ARID2: variants seen among roughly 807,000 people sequenced by gnomAD.
The protein encoded by ARID2 is AT-rich interactive domain-containing protein 2.
A neutral mutation model predicts 184.6 loss-of-function variants in ARID2; 32 were observed. That is an observed-to-expected ratio of 0.17 (90% CI 0.13 to 0.23). ARID2 has a LOEUF of 0.23. ARID2 is among the 10% of genes least tolerant of loss of function. The pLI, the probability that ARID2 is intolerant of heterozygous loss-of-function variation, is 1.00. For missense variants in ARID2, 1,696 were observed against 2,197.6 expected, an observed-to-expected ratio of 0.77 and a Z score of 4.56; for synonymous variants, 836 against 772.6, an observed-to-expected ratio of 1.08 and a Z score of -1.36.
intron 3 of ARID2, chr12:45,776,009 T>G (rs1941971354): frequency 6.0e-6 from 1 of 166,690 alleles, no homozygotes; most frequent in Non-Finnish European, 1.5e-5. Flanking sequence ...GGCAAGAGAG[T>G]ATTTGCTTAC....
At chr12:45,746,334 CT>C (rs1483466045) in intron 3 of ARID2, among the ~76,000 whole-genome samples, 1 of 152,076 alleles carries the variant, frequency 6.6e-6, no homozygotes, top group Middle Eastern at 3.2e-3. Context: ...TGGTTTCCAA[CT>C]CCTGGCCTCA....
At chr12:45,768,728 T>C (rs988534665) in intron 3 of ARID2, among the ~76,000 whole-genome samples, 2 of 152,108 alleles carry the variant, frequency 1.3e-5, no homozygotes, top group African/African-American at 4.8e-5. Context: ...AGGAGTCTTT[T>C]TGGGGTCAGA....
intron 16 of ARID2, among the ~76,000 whole-genome samples, chr12:45,867,465 G>A (rs981427751): frequency 5.9e-5 from 9 of 151,674 alleles, no homozygotes; most frequent in African/African-American, 1.7e-4. Context: ...TGTGCTGGCC[G>A]GGCGCAGTGG....
At chr12:45,787,322 A>G (rs1405679289) in intron 3 of ARID2, among the ~76,000 whole-genome samples, 3 of 151,122 alleles carry the variant, frequency 2.0e-5, no homozygotes, top group Non-Finnish European at 1.5e-5. Flanking sequence ...GGCTCAAGTG[A>G]TCCTCCTGCC....
chr12:45,830,193 CT>C (rs1228473382), intron 6 of ARID2, among the ~76,000 whole-genome samples: 1 of 151,612 alleles, frequency 6.6e-6, no homozygotes, highest in African/African-American at 2.4e-5. Flanking sequence ...GGAATATTCC[CT>C]TCTGTTTTAT....
chr12:45,777,892 T>G (rs1238647195), intron 3 of ARID2, among the ~76,000 whole-genome samples: 1 of 151,192 alleles, frequency 6.6e-6, no homozygotes, highest in Non-Finnish European at 1.5e-5. Context: ...CTGGACTATT[T>G]AGTAATTTTA....
chr12:45,798,098 T>C (rs1942424835), intron 3 of ARID2, among the ~76,000 whole-genome samples: 1 of 152,152 alleles, frequency 6.6e-6, no homozygotes, highest in Admixed American at 6.5e-5. Context: ...TCTGTACCCT[T>C]TTTTACTATG....
intron 3 of ARID2, among the ~76,000 whole-genome samples, chr12:45,806,539 C>T (rs1449723665): frequency 1.3e-5 from 2 of 152,086 alleles, no homozygotes; most frequent in African/African-American, 2.4e-5. Context: ...TTTTTGTCCA[C>T]CACTTATTTC....
At position 45,891,929 on chromosome 12, in the gene ARID2, TA is replaced by T; in HGVS notation, c.5061+14del. ...ATTACCCACTTGCAGGTACACTTTT[TA>T]AATACTATTTGATCAGTAACTCATT... is the stretch of plus-strand genomic sequence containing the variant. On this transcript the variant is annotated intron_variant, in intron 17 of 20. Transcript: ENST00000334344. The T allele has an allele frequency of 6.2e-7, 1 of 1,614,038 alleles. No homozygotes were observed. Among genetic ancestry groups the T allele is most frequent in the Non-Finnish European group, 8.5e-7 (1 of 1,179,980 alleles).
intron 11 of ARID2, among the ~76,000 whole-genome samples, chr12:45,843,375 CTT>C (rs78325653): frequency 1.4e-5 from 2 of 139,440 alleles, no homozygotes; most frequent in Non-Finnish European, 1.6e-5. Context: ...ATGTTTTCTT[CTT>C]TTTTTTTTTT....
chr12:45,887,528 T>C (rs916546971), intron 16 of ARID2, among the ~76,000 whole-genome samples: 1 of 151,990 alleles, frequency 6.6e-6, no homozygotes, highest in African/African-American at 2.4e-5. Flanking sequence ...CACAATAGAA[T>C]CCAATGTTGT....
At chr12:45,833,486 GTCC>G (rs1026359997) in intron 6 of ARID2, among the ~76,000 whole-genome samples, 3 of 151,932 alleles carry the variant, frequency 2.0e-5, no homozygotes, top group African/African-American at 7.3e-5. Context: ...TTGGTTATGG[GTCC>G]TCATTTCTTT....
At chr12:45,778,301 G>C (rs953671784) in intron 3 of ARID2, among the ~76,000 whole-genome samples, 2 of 152,128 alleles carry the variant, frequency 1.3e-5, no homozygotes, top group South Asian at 4.2e-4. Flanking sequence ...AGATGGCAGA[G>C]TAGAGGTAAC....
At chr12:45,887,414 A>G (rs950657947) in intron 16 of ARID2, among the ~76,000 whole-genome samples, 4 of 152,208 alleles carry the variant, frequency 2.6e-5, no homozygotes, top group South Asian at 2.1e-4. Flanking sequence ...TGTTGTTTCT[A>G]TCGCTTCTAG....
At chr12:45,781,363 A>T (rs1480887531) in intron 3 of ARID2, among the ~76,000 whole-genome samples, 2 of 926 alleles carry the variant, frequency 2.2e-3, no homozygotes, top group Non-Finnish European at 5.9e-3. Flanking sequence ...GCCCATTGAA[A>T]TGAGGGCATT....
chr12:45,814,608 A>C (rs1942772445), intron 4 of ARID2, among the ~76,000 whole-genome samples: 1 of 152,138 alleles, frequency 6.6e-6, no homozygotes, highest in Non-Finnish European at 1.5e-5. Flanking sequence ...CGAAATCCAC[A>C]GCACTCCAGT....
At chr12:45,755,456 C>T (rs1270365976) in intron 3 of ARID2, among the ~76,000 whole-genome samples, 1 of 152,180 alleles carries the variant, frequency 6.6e-6, no homozygotes, top group East Asian at 1.9e-4. Flanking sequence ...AAGGAAGTCA[C>T]ATTCAGAAAG....
chr12:45,771,945 T>C (rs1941885678), intron 3 of ARID2, among the ~76,000 whole-genome samples: 1 of 152,098 alleles, frequency 6.6e-6, no homozygotes, highest in Non-Finnish European at 1.5e-5. Context: ...ACAAGTATTG[T>C]TCAGCTTATA....
At chr12:45,818,033 A>G in intron 5 of ARID2, 145 bp downstream of exon 5, 1 of 595,126 alleles carries the variant, frequency 1.7e-6, no homozygotes, top group Non-Finnish European at 2.7e-6. Flanking sequence ...AAGATAATGA[A>G]TGTTTGGGGG....
Sources: allele counts gnomAD v4.1 joint callset (sites outside exome capture counted in the v4.1 genomes callset), GRCh38; gene constraint gnomAD v4.1.1; transcripts MANE v1.5; gene names NCBI Gene and HGNC (gene_info 2026-07-23, HGNC 2026-07-21).